Variants in LIPC observed in about 807,000 individuals in gnomAD.
LIPC encodes lipase C, hepatic type, also known as hepatic triacylglycerol lipase.
Under a neutral mutation model 50.7 loss-of-function variants are expected in LIPC, and 44 were observed. The observed-to-expected ratio is 0.87, with a 90% CI of 0.68 to 1.11. LIPC has a LOEUF of 1.11. Ranked by LOEUF, LIPC falls within the 50% of genes most tolerant of loss-of-function variation. LIPC has a pLI of 0.00. For missense variants in LIPC, 697 were observed against 648.2 expected, an observed-to-expected ratio of 1.08 and a Z score of -0.82; for synonymous variants, 271 against 256.4, an observed-to-expected ratio of 1.06 and a Z score of -0.54.
intron 1 of LIPC, chr15:58,521,496 G>T: frequency 6.6e-6 from 1 of 152,374 alleles, no homozygotes. Context: ...GAGGTTCCAA[G>T]CAGAAGGAAT....
intron 8 of LIPC, chr15:58,566,298 C>T: frequency 1.0e-6 from 1 of 985,402 alleles, no homozygotes; most frequent in Non-Finnish European, 1.2e-6. Flanking sequence ...AGACAGGCAG[C>T]CGGCAAAGCA....
chr15:58,535,536 G>C (rs781741430), intron 1 of LIPC, among the ~76,000 whole-genome samples: 1 of 152,206 alleles, frequency 6.6e-6, no homozygotes, highest in African/African-American at 2.4e-5. Context: ...AGCCACCTGG[G>C]CTGGAGCGTA....
At chr15:58,452,801 C>T (rs1262190662) in intron 1 of LIPC, among the ~76,000 whole-genome samples, 3 of 152,204 alleles carry the variant, frequency 2.0e-5, no homozygotes, top group South Asian at 4.2e-4. Flanking sequence ...GAGCCCAACC[C>T]CCATGGGACT....
chr15:58,506,803 A>T lies in LIPC; in HGVS notation c.89-31530A>T, dbSNP rs114459273. 3.8e-3 allele frequency among the ~76,000 whole-genome samples: 582 copies of T among 152,254 alleles called. 4 individuals are homozygous for T. The highest frequency in any genetic ancestry group is 0.013 in the African/African-American group (557 of 41,540). On this transcript the variant is annotated intron_variant, in intron 1 of 8. Transcript: ENST00000299022. ...TGTGGGGGTGTGTTAGTCCATTCTC[A>T]CACTGCTAATAAAGACATATTTGAG...
chr15:58,462,978 G>A (rs1323975931), intron 1 of LIPC, among the ~76,000 whole-genome samples: 2 of 152,214 alleles, frequency 1.3e-5, no homozygotes, highest in Non-Finnish European at 2.9e-5. Context: ...CCAGAACACT[G>A]CAGACTCATC....
intron 1 of LIPC, among the ~76,000 whole-genome samples, chr15:58,512,504 G>T (rs948161943): frequency 4.6e-5 from 7 of 152,304 alleles, no homozygotes; most frequent in Non-Finnish European, 1.0e-4. Context: ...TGGGGCCTTT[G>T]AACCAGGAGC....
chr15:58,502,568 C>T (rs968926777), intron 1 of LIPC, among the ~76,000 whole-genome samples: 2 of 148,452 alleles, frequency 1.3e-5, no homozygotes, highest in African/African-American at 5.0e-5. Context: ...TTAACTCTTG[C>T]TTTGAGGTCA....
At chr15:58,566,237 T>G in intron 8 of LIPC, 2 of 985,372 alleles carry the variant, frequency 2.0e-6, no homozygotes, top group Non-Finnish European at 2.4e-6. Context: ...ACCCGTACAC[T>G]TGGGGCTGTG....
At chr15:58,552,903 A>G (rs1411397280) in intron 6 of LIPC, among the ~76,000 whole-genome samples, 2 of 152,176 alleles carry the variant, frequency 1.3e-5, no homozygotes, top group Non-Finnish European at 2.9e-5. Flanking sequence ...ATGGGGATGA[A>G]CCACTAGCAC....
chr15:58,533,089 T>C (rs1893005695), intron 1 of LIPC: 1 of 862,024 alleles, frequency 1.2e-6, no homozygotes, highest in Admixed American at 6.2e-5. Context: ...TACCTCAATT[T>C]AATATTCCTC....
In LIPC at chr15:58,454,714, A is replaced by T. The variant is rs556217377; in HGVS notation, c.88+22594A>T. 4.0e-5 allele frequency: 6 copies of T among 151,708 alleles called. 1 individual carries two copies. The South Asian group carries it at 1.2e-3, about 32-fold the overall frequency. 9.4% of individuals were successfully genotyped at this position (151,708 alleles called of 1,614,324 possible). A position where few individuals can be genotyped will look rare whatever the true frequency, so the allele number is the denominator to read the frequency against. On this transcript the variant is annotated intron_variant, in intron 1 of 8. Transcript: ENST00000299022. ...GTTTAAGACTTCTGATGCTCACAAG[A>T]CCCTCCCATGCCCTTACCACGTGCA...
chr15:58,432,147 T>C (rs1352221786), intron 1 of LIPC, 27 bp downstream of exon 1: 7 of 1,502,798 alleles, frequency 4.7e-6, no homozygotes, highest in East Asian at 2.3e-5. Context: ...TCTCCAGAGA[T>C]GGGCATGAAC....
At chr15:58,464,538 T>C (rs1488851012) in intron 1 of LIPC, among the ~76,000 whole-genome samples, 3 of 152,254 alleles carry the variant, frequency 2.0e-5, no homozygotes, top group African/African-American at 7.2e-5. Context: ...TAGTTGCTAT[T>C]CATCACAGCT....
At chr15:58,439,499 A>C (rs1281509964) in intron 1 of LIPC, among the ~76,000 whole-genome samples, 4 of 152,182 alleles carry the variant, frequency 2.6e-5, no homozygotes, top group Non-Finnish European at 1.5e-5. Context: ...GCTGGAGTGC[A>C]GTGGCACAGT....
intron 7 of LIPC, 144 bp downstream of exon 7, chr15:58,561,125 CA>C: frequency 1.4e-6 from 1 of 693,490 alleles, no homozygotes; most frequent in South Asian, 1.6e-5. Context: ...AGACACATGT[CA>C]ATCAATTTAG....
intron 1 of LIPC, among the ~76,000 whole-genome samples, chr15:58,489,217 C>CG (rs59532809): frequency 0.03 from 498 of 16,346 alleles, 27 homozygotes; most frequent in East Asian, 0.098. Context: ...CATTTTGTTG[C>CG]GGGGGCGGGG....
At chr15:58,538,970 T>G (rs995205125) in intron 2 of LIPC, among the ~76,000 whole-genome samples, 8 of 152,230 alleles carry the variant, frequency 5.3e-5, no homozygotes, top group African/African-American at 1.9e-4. Flanking sequence ...GAAATTTGTT[T>G]TCATTTCGCA....
intron 6 of LIPC, among the ~76,000 whole-genome samples, chr15:58,550,741 G>T (rs1235310762): frequency 6.6e-6 from 1 of 151,352 alleles, no homozygotes; most frequent in Non-Finnish European, 1.5e-5. Context: ...GACTGAAACT[G>T]GTCAGGAACC....
intron 1 of LIPC, among the ~76,000 whole-genome samples, chr15:58,469,119 T>TGG (rs1555399019): frequency 1.3e-4 from 19 of 150,586 alleles, no homozygotes; most frequent in Admixed American, 9.3e-4. Context: ...TGTGTGTGTG[T>TGG]GTGTGTGTGT....
Sources: gnomAD v4.1 joint callset for allele counts (sites outside exome capture counted in the v4.1 genomes callset) on GRCh38, gnomAD v4.1.1 for gene constraint, MANE v1.5 for transcripts, NCBI Gene and HGNC (gene_info 2026-07-23, HGNC 2026-07-21) for gene names.